The following CNTNAP3 variants were observed in gnomAD, a reference collection of about 807,000 sequenced individuals.
CNTNAP3 encodes the protein contactin associated protein family member 3.
Under a neutral mutation model 92.1 loss-of-function variants are expected in CNTNAP3, and 36 were observed. That is an observed-to-expected ratio of 0.39 (90% CI 0.30 to 0.52). CNTNAP3 has a LOEUF of 0.52. CNTNAP3 is among the 20% of genes least tolerant of loss of function. The pLI is 0.76. For missense variants in CNTNAP3, 534 were observed against 1,069.6 expected (o/e 0.50, Z 6.98); for synonymous variants, 232 against 422.3 (o/e 0.55, Z 5.53).
chr9:39,126,170 A>C (rs1431151215), intron 13 of CNTNAP3, among the ~76,000 whole-genome samples: 1 of 152,220 alleles, frequency 6.6e-6, no homozygotes, highest in East Asian at 1.9e-4. Context: ...TTAGAATGGA[A>C]TTAAACTAAT....
chr9:39,087,588 G>T (rs1255863249), intron 19 of CNTNAP3, among the ~76,000 whole-genome samples: 1 of 152,054 alleles, frequency 6.6e-6, no homozygotes, highest in Non-Finnish European at 1.5e-5. Flanking sequence ...CTGGGTTCAC[G>T]CCATTCTCCT....
At chr9:39,112,615 T>C (rs1188858299) in intron 14 of CNTNAP3, among the ~76,000 whole-genome samples, 1 of 152,114 alleles carries the variant, frequency 6.6e-6, no homozygotes, top group African/African-American at 2.4e-5. Flanking sequence ...CCGCCCGCCT[T>C]GGCCTCCCAA....
intron 15 of CNTNAP3, chr9:39,106,359 T>C (rs1436440483): frequency 6.6e-6 from 1 of 152,158 alleles, no homozygotes. Context: ...GGCATGATCA[T>C]AGTTCACTGC....
At chr9:39,122,142 C>T (rs965346379) in intron 13 of CNTNAP3, among the ~76,000 whole-genome samples, 1 of 152,140 alleles carries the variant, frequency 6.6e-6, no homozygotes, top group Non-Finnish European at 1.5e-5. Flanking sequence ...ATCATGAGGT[C>T]AGGAGATCGA....
At chr9:39,140,498 A>G (rs1367935524) in intron 12 of CNTNAP3, 21 bp downstream of exon 12, 3 of 1,613,052 alleles carry the variant, frequency 1.9e-6, no homozygotes, top group East Asian at 4.5e-5. Context: ...TGATATATGC[A>G]TATAACGATT....
chr9:39,173,128 AT>A (rs1822274998), intron 7 of CNTNAP3: 1 of 133,252 alleles, frequency 7.5e-6, no homozygotes. Context: ...TTCAGTTATC[AT>A]TTTATAATAA....
chr9:39,098,763 A>G (rs904915070), intron 18 of CNTNAP3, among the ~76,000 whole-genome samples: 1 of 152,084 alleles, frequency 6.6e-6, no homozygotes, highest in Non-Finnish European at 1.5e-5. Context: ...GAATCCTCAA[A>G]ATTTTTTTGA....
chr9:39,085,563 G>A, intron 21 of CNTNAP3, 173 bp downstream of exon 21: 1 of 651,412 alleles, frequency 1.5e-6, no homozygotes, highest in African/African-American at 1.9e-5. Context: ...CTCACAGGTA[G>A]CACTTAGTCA....
At chr9:39,076,353 G>T (rs1825763287) in intron 23 of CNTNAP3, among the ~76,000 whole-genome samples, 1 of 152,312 alleles carries the variant, frequency 6.6e-6, no homozygotes, top group Non-Finnish European at 1.5e-5. Flanking sequence ...TCCTAAAAAG[G>T]CATGATTGAT....
intron 10 of CNTNAP3, among the ~76,000 whole-genome samples, chr9:39,148,158 T>C: frequency 6.6e-6 from 1 of 151,888 alleles, no homozygotes; most frequent in South Asian, 2.1e-4. Context: ...GGAGCTGGTG[T>C]TGAGATATAA....
intron 18 of CNTNAP3, 86 bp downstream of exon 18, chr9:39,099,825 T>C: frequency 6.5e-7 from 1 of 1,540,000 alleles, no homozygotes; most frequent in Non-Finnish European, 8.8e-7. Flanking sequence ...TTATCCTCTC[T>C]TTATAATATC....
intron 19 of CNTNAP3, among the ~76,000 whole-genome samples, chr9:39,087,471 T>C (rs1164300939): frequency 6.7e-6 from 1 of 150,118 alleles, no homozygotes; most frequent in Non-Finnish European, 1.5e-5. Flanking sequence ...TAAGATCCTG[T>C]TAATCGGAGA....
At chr9:39,253,014 T>TACACACAC (rs1178975952) in intron 2 of CNTNAP3, among the ~76,000 whole-genome samples, 107 of 3,606 alleles carry the variant, frequency 0.03, 20 homozygotes, top group African/African-American at 0.031. Flanking sequence ...CAACTGAATA[T>TACACACAC]ACACACACAC....
intron 14 of CNTNAP3, among the ~76,000 whole-genome samples, chr9:39,112,094 C>CT (rs1370041939): frequency 1.3e-5 from 2 of 151,254 alleles, no homozygotes; most frequent in African/African-American, 2.4e-5. Flanking sequence ...GGAAATAGTG[C>CT]TTTCATAGGT....
intron 13 of CNTNAP3, among the ~76,000 whole-genome samples, chr9:39,127,095 T>C (rs1821170321): frequency 1.3e-5 from 2 of 151,790 alleles, no homozygotes; most frequent in Non-Finnish European, 2.9e-5. Context: ...TGGAAATCAA[T>C]ACCAGAAAGA....
chr9:39,105,296 G>A (rs564224762), intron 15 of CNTNAP3, among the ~76,000 whole-genome samples: 1 of 152,100 alleles, frequency 6.6e-6, no homozygotes, highest in African/African-American at 2.4e-5. Flanking sequence ...GCATGGTGGT[G>A]GGTGCCTGTA....
rs190024730 is a variant in CNTNAP3 at position 39,085,459 on chromosome 9, A to C, written c.3442+277T>G. 4 of 437,614 alleles carry C rather than the reference A, an allele frequency of 9.1e-6. No homozygotes were observed. The Admixed American group carries it at 1.5e-4, about 16-fold the overall frequency. The allele number at this position is 437,614 out of a possible 1,614,324, so 27.1% of individuals were successfully genotyped here. A position where few individuals can be genotyped will look rare whatever the true frequency, so the allele number is the denominator to read the frequency against. ...CAGCTTTGACAACATTTCACTTTTC[A>C]AGAAGGATTAGAAAAATACCGTGAT... On this transcript the variant is annotated intron_variant, in intron 21 of 23. Transcript: ENST00000297668.
At chr9:39,138,086 C>G (rs1228913327) in intron 12 of CNTNAP3, among the ~76,000 whole-genome samples, 1 of 151,520 alleles carries the variant, frequency 6.6e-6, no homozygotes, top group East Asian at 1.9e-4. Flanking sequence ...AGGTGGGGGT[C>G]TCACTGTGTT....
chr9:39,114,595 G>C (rs1820809522), intron 14 of CNTNAP3, among the ~76,000 whole-genome samples: 1 of 152,022 alleles, frequency 6.6e-6, no homozygotes, highest in Non-Finnish European at 1.5e-5. Flanking sequence ...TTCACTGAGT[G>C]CTTATATTTT....
Sources: gnomAD v4.1 joint callset for allele counts (sites outside exome capture counted in the v4.1 genomes callset) on GRCh38, gnomAD v4.1.1 for gene constraint, MANE v1.5 for transcripts, NCBI Gene and HGNC (gene_info 2026-07-23, HGNC 2026-07-21) for gene names.